The following CCDC66 variants were observed in gnomAD, a reference collection of about 807,000 sequenced individuals.
CCDC66 encodes the protein coiled-coil domain containing 66.
Under a neutral mutation model 128.3 loss-of-function variants are expected in CCDC66, and 133 were observed. The ratio of observed to expected loss-of-function variants is 1.04; its 90% CI spans 0.90 to 1.20. The LOEUF (loss-of-function observed/expected upper bound fraction) is 1.20. CCDC66 is among the 50% of genes most tolerant of loss of function. CCDC66 has a pLI of 0.00. For missense variants in CCDC66, 1,126 were observed against 1,075.5 expected (o/e 1.05, Z -0.66); for synonymous variants, 387 against 357.0 (o/e 1.08, Z -0.95).
At position 56,619,484 on chromosome 3, in the gene CCDC66, G is replaced by A; in HGVS notation, c.2592G>A (p.Leu864=). Residue 864 remains leucine (L), a synonymous_variant, in exon 16 of 18, where the codon TTG becomes TTA. Coordinates refer to ENST00000394672, the MANE Select transcript of CCDC66 (RefSeq NM_001141947.3). Reference sequence around the variant, plus strand: ...ATTACCTTGATCCCGATGCACCATTGTCTGGGCCTTCAACCCAGGACCCTC... The same window carrying A: ...ATTACCTTGATCCCGATGCACCATTATCTGGGCCTTCAACCCAGGACCCTC... ...EIYYLDPDAP[L]SGPSTQDPQY... is the part of the protein sequence containing the mutation. 1 of 1,613,912 alleles carries A rather than the reference G, an allele frequency of 6.2e-7. No homozygotes were observed. The highest frequency in any genetic ancestry group is 8.5e-7 in the Non-Finnish European group (1 of 1,179,966).
In CCDC66 at chr3:56,583,893, A is replaced by ACCTC. The variant is rs1353614014; in HGVS notation, c.937-9074_937-9071dup. On this transcript the variant is annotated intron_variant, in intron 7 of 17. Transcript: ENST00000394672. Reference sequence around the variant, plus strand: ...GGGCGGCCGGGCAGAGGCGCCCCCCACCTCCCGGATGGGGCGGCGGCTGGG... The same window carrying ACCTC: ...GGGCGGCCGGGCAGAGGCGCCCCCCACCTCCCTCCCGGATGGGGCGGCGGCTGGG... Among the ~76,000 whole-genome samples the ACCTC allele has an allele frequency of 5.9e-5, 8 of 136,270 alleles. No homozygotes were observed. In the South Asian group the frequency reaches 1.8e-3, roughly 30 times the overall value. The allele number at this position is 136,270 out of a possible 152,430, so 89.4% of individuals were successfully genotyped here. A position where few individuals can be genotyped will look rare whatever the true frequency, so the allele number is the denominator to read the frequency against.
chr3:56,606,314 A>G lies in CCDC66; in HGVS notation c.1405-7275A>G, dbSNP rs190692577. On this transcript the variant is annotated intron_variant, in intron 10 of 17. Coordinates refer to ENST00000394672, the MANE Select transcript of CCDC66 (RefSeq NM_001141947.3). ...CTGTCTCACTGGCATTCCAGGCACC[A>G]CTGGGGTATGGAAAAAAAACTCCTA... Among the ~76,000 whole-genome samples the G allele has an allele frequency of 3.3e-5, 5 of 152,060 alleles. 1 individual carries two copies. Among genetic ancestry groups the G allele is most frequent in the African/African-American group, 1.2e-4 (5 of 41,396 alleles).
At chr3:56,595,013 T>C (rs1188825472) in intron 10 of CCDC66, among the ~76,000 whole-genome samples, 3 of 152,200 alleles carry the variant, frequency 2.0e-5, no homozygotes, top group Admixed American at 6.5e-5. Flanking sequence ...GAGAAATGCA[T>C]TGGAAATTTG....
intron 2 of CCDC66, 137 bp downstream of exon 2, chr3:56,559,047 T>G: frequency 1.5e-6 from 1 of 655,952 alleles, no homozygotes; most frequent in Admixed American, 3.1e-5. Context: ...CTCAAACTTC[T>G]GCAGATTTCC....
intron 10 of CCDC66, among the ~76,000 whole-genome samples, chr3:56,600,459 A>G (rs1034174693): frequency 3.3e-5 from 5 of 151,932 alleles, no homozygotes; most frequent in African/African-American, 9.7e-5. Context: ...ATGTATCTTT[A>G]TAGTAGAATG....
intron 7 of CCDC66, among the ~76,000 whole-genome samples, chr3:56,574,925 C>G (rs1285774575): frequency 6.6e-6 from 1 of 151,748 alleles, no homozygotes; most frequent in Non-Finnish European, 1.5e-5. Flanking sequence ...ACCATGTTTT[C>G]TTTATCCATT....
chr3:56,616,757 C>T (rs1322536095), intron 13 of CCDC66: 1 of 184,036 alleles, frequency 5.4e-6, no homozygotes, highest in Non-Finnish European at 1.1e-5. Context: ...ATTTTACATT[C>T]CCACCATCAG....
chr3:56,582,843 ACTTT>A lies in CCDC66; in HGVS notation c.937-10122_937-10119del, dbSNP rs200450912. ...TATCTTTCCCTTTTTTGACTTCTCAACTTTCTTTATTATTATTATTATTATTATT... is the reference window on the plus strand; with the variant it reads ...TATCTTTCCCTTTTTTGACTTCTCAACTTTATTATTATTATTATTATTATT... On this transcript the variant is annotated intron_variant, in intron 7 of 17. Coordinates refer to ENST00000394672, the MANE Select transcript of CCDC66 (RefSeq NM_001141947.3). Among the ~76,000 whole-genome samples, 302 of 121,356 alleles carry A rather than the reference ACTTT, an allele frequency of 2.5e-3. 1 individual carries two copies. Among genetic ancestry groups the A allele is most frequent in the South Asian group, 0.017 (67 of 3,866 alleles). 79.6% of individuals were successfully genotyped at this position (121,356 alleles called of 152,430 possible).
chr3:56,606,350 G>A (rs571248764), intron 10 of CCDC66, among the ~76,000 whole-genome samples: 2 of 152,170 alleles, frequency 1.3e-5, no homozygotes, highest in South Asian at 2.1e-4. Flanking sequence ...CAGTTAGCTC[G>A]GTGTCTGCAC....
intron 7 of CCDC66, among the ~76,000 whole-genome samples, chr3:56,578,204 T>C (rs2067711651): frequency 6.6e-6 from 1 of 151,756 alleles, no homozygotes; most frequent in South Asian, 2.1e-4. Flanking sequence ...TGCTCATGAT[T>C]TGGCTCTCTG....
chr3:56,574,172 G>A (rs2067048194), intron 7 of CCDC66, among the ~76,000 whole-genome samples: 2 of 151,540 alleles, frequency 1.3e-5, no homozygotes, highest in Admixed American at 1.3e-4. Context: ...GACCATCCCA[G>A]CCAACGTGGT....
At chr3:56,571,356 A>C in intron 7 of CCDC66, 54 bp downstream of exon 7, 1 of 1,218,460 alleles carries the variant, frequency 8.2e-7, no homozygotes, top group Middle Eastern at 2.3e-4. Flanking sequence ...CATATTATAG[A>C]ATTTATTTTT....
chr3:56,569,324 G>A, intron 6 of CCDC66: 1 of 346,274 alleles, frequency 2.9e-6, no homozygotes, highest in Non-Finnish European at 6.1e-6. Flanking sequence ...TTTGCAGACT[G>A]TACAAGCATG....
intron 3 of CCDC66, 37 bp from the exon 4 acceptor site, chr3:56,563,647 G>A (rs1401417101): frequency 6.9e-7 from 1 of 1,447,500 alleles, no homozygotes; most frequent in Non-Finnish European, 9.2e-7. Context: ...ATTTTTCTTG[G>A]ACAGTTATAA....
chr3:56,618,332 G>T, intron 15 of CCDC66, 120 bp downstream of exon 15: 3 of 903,414 alleles, frequency 3.3e-6, no homozygotes. Context: ...AAAGGGTGTG[G>T]CTTCCAGGTG....
chr3:56,586,312 A>G (rs981901117), intron 7 of CCDC66, among the ~76,000 whole-genome samples: 17 of 151,186 alleles, frequency 1.1e-4, no homozygotes, highest in Non-Finnish European at 2.2e-4. Context: ...GTGGATCACG[A>G]GGTCAGGAAA....
At chr3:56,607,155 A>G (rs1452928664) in intron 10 of CCDC66, among the ~76,000 whole-genome samples, 1 of 151,932 alleles carries the variant, frequency 6.6e-6, no homozygotes, top group Non-Finnish European at 1.5e-5. Context: ...GAAGTTTAGA[A>G]TTGTTTTTTC....
chr3:56,603,283 C>T (rs1452983518), intron 10 of CCDC66, among the ~76,000 whole-genome samples: 4 of 151,894 alleles, frequency 2.6e-5, no homozygotes, highest in Admixed American at 6.6e-5. Context: ...GTCTGTATCT[C>T]CTACAGTTCT....
intron 9 of CCDC66, 40 bp from the exon 10 acceptor site, chr3:56,593,904 T>A: frequency 6.2e-7 from 1 of 1,602,996 alleles, no homozygotes; most frequent in Non-Finnish European, 8.5e-7. Flanking sequence ...TGAATCTACC[T>A]TTTTGAGGTT....
Sources: gnomAD v4.1 joint callset for allele counts (sites outside exome capture counted in the v4.1 genomes callset) on GRCh38, gnomAD v4.1.1 for gene constraint, MANE v1.5 for transcripts, NCBI Gene and HGNC (gene_info 2026-07-23, HGNC 2026-07-21) for gene names.